HPSE: variants seen among roughly 807,000 people sequenced by gnomAD.
HPSE encodes heparanase.
HPSE carries 48 observed loss-of-function variants against 65.1 expected under a neutral mutation model. The ratio of observed to expected loss-of-function variants is 0.74; its 90% CI spans 0.58 to 0.94. The LOEUF (loss-of-function observed/expected upper bound fraction) is 0.94, where lower values mean the gene tolerates loss of function less well. HPSE is among the 40% of genes least tolerant of loss of function. The pLI, the probability that HPSE is intolerant of heterozygous loss-of-function variation, is 0.00. For missense variants in HPSE, 644 were observed against 637.5 expected, an observed-to-expected ratio of 1.01 and a Z score of -0.11; for synonymous variants, 243 against 260.0, an observed-to-expected ratio of 0.93 and a Z score of 0.63.
rs754765210 is a variant in HPSE at position 83,308,828 on chromosome 4, A to G, written c.1091+17T>C. Reference sequence around the variant, plus strand: ...GAGCTGCACTCTGACCCCTAAGGCCAGCGCTGCTTCACTCACATAAAGCCA... The same window carrying G: ...GAGCTGCACTCTGACCCCTAAGGCCGGCGCTGCTTCACTCACATAAAGCCA... On this transcript the variant is annotated intron_variant, in intron 8 of 11. Coordinates refer to ENST00000311412, the MANE Select transcript of HPSE (RefSeq NM_001098540.3). 1 of 1,586,740 alleles carries G rather than the reference A, an allele frequency of 6.3e-7. No homozygotes were observed. Among genetic ancestry groups the G allele is most frequent in the Non-Finnish European group, 8.7e-7 (1 of 1,155,860 alleles).
intron 1 of HPSE, among the ~76,000 whole-genome samples, chr4:83,330,531 T>A (rs1737322238): frequency 6.6e-6 from 1 of 152,262 alleles, no homozygotes; most frequent in South Asian, 2.1e-4. Flanking sequence ...TTTCCAACAC[T>A]GGTTATCAAA....
intron 1 of HPSE, among the ~76,000 whole-genome samples, chr4:83,325,130 G>GGTGTGT (rs70949703): frequency 0.022 from 2,985 of 134,200 alleles, 46 homozygotes; most frequent in East Asian, 0.049. Context: ...TATACAACTT[G>GGTGTGT]GTGTGTGTGT....
At position 83,310,069 on chromosome 4, in the gene HPSE, C is replaced by T; in HGVS notation, c.852G>A (p.Lys284=). The change falls in exon 6 of 12, where the codon AAG becomes AAA. Residue 284 remains lysine (K), a synonymous_variant. Transcript: ENST00000311412. The part of the protein sequence containing the change: ...KTAKMLKSFL[K]AGGEVIDSVT... Reference sequence around the variant, plus strand: ...CTGAATCAATCACTTCTCCACCAGCCTTCAGGAAGCTAGAAAAAAAATTTT... The same window carrying T: ...CTGAATCAATCACTTCTCCACCAGCTTTCAGGAAGCTAGAAAAAAAATTTT... 6.2e-7 allele frequency: 1 copy of T among 1,610,310 alleles called. No individual in the cohort carries two copies. The highest frequency in any genetic ancestry group is 8.5e-7 in the Non-Finnish European group (1 of 1,177,350).
At chr4:83,298,734 G>A (rs539189369) in intron 11 of HPSE, among the ~76,000 whole-genome samples, 2 of 152,208 alleles carry the variant, frequency 1.3e-5, no homozygotes, top group African/African-American at 4.8e-5. Context: ...AGGCTGAGGA[G>A]GAAGGATCAC....
intron 3 of HPSE, among the ~76,000 whole-genome samples, chr4:83,318,149 T>C (rs1168275011): frequency 6.6e-6 from 1 of 152,206 alleles, no homozygotes; most frequent in East Asian, 1.9e-4. Flanking sequence ...TAAAATAATA[T>C]ACTTTAAATA....
At chr4:83,319,292 A>G (rs774540969) in intron 3 of HPSE, 52 bp downstream of exon 3, 1 of 1,594,468 alleles carries the variant, frequency 6.3e-7, no homozygotes, top group Non-Finnish European at 8.6e-7. Flanking sequence ...AGTCCAACCT[A>G]TTCAAATATC....
At chr4:83,301,626 A>T (rs1735952168) in intron 10 of HPSE, among the ~76,000 whole-genome samples, 1 of 152,182 alleles carries the variant, frequency 6.6e-6, no homozygotes, top group Non-Finnish European at 1.5e-5. Context: ...CAGAGTTCCC[A>T]GTCACCAACA....
At chr4:83,297,080 A>C (rs2126181169) in intron 11 of HPSE, among the ~76,000 whole-genome samples, 1 of 152,268 alleles carries the variant, frequency 6.6e-6, no homozygotes, top group African/African-American at 2.4e-5. Context: ...TATGTTTTAG[A>C]TATGTTTAGA....
chr4:83,327,876 C>A (rs537960485), intron 1 of HPSE, among the ~76,000 whole-genome samples: 2 of 152,176 alleles, frequency 1.3e-5, no homozygotes, highest in African/African-American at 4.8e-5. Flanking sequence ...CAGTTTCCAG[C>A]ACAGTACTGC....
intron 2 of HPSE, 72 bp from the exon 3 acceptor site, chr4:83,319,541 A>G (rs1736797724): frequency 6.8e-7 from 1 of 1,465,098 alleles, no homozygotes; most frequent in African/African-American, 1.4e-5. Flanking sequence ...ATATTTATTT[A>G]GTTAGCTATT....
At chr4:83,313,774 A>T (rs969544585) in intron 3 of HPSE, among the ~76,000 whole-genome samples, 2 of 152,254 alleles carry the variant, frequency 1.3e-5, no homozygotes, top group African/African-American at 4.8e-5. Flanking sequence ...ACATTAAAAA[A>T]TTGGCCTAGA....
chr4:83,322,907 G>A (rs746826382), intron 1 of HPSE, among the ~76,000 whole-genome samples: 2 of 150,476 alleles, frequency 1.3e-5, no homozygotes, highest in Non-Finnish European at 3.0e-5. Flanking sequence ...TTCAAGTGAT[G>A]CTTCTGCCAC....
rs1735904794 is a variant in HPSE, at chr4:83,300,587, G to A, written c.1472+373C>T. 1.7e-4 allele frequency among the ~76,000 whole-genome samples: 4 copies of A among 23,540 alleles called. 2 individuals are homozygous for A. The South Asian group carries it at 9.9e-3, about 58-fold the overall frequency. The allele number at this position is 23,540 out of a possible 152,430, so 15.4% of individuals were successfully genotyped here. A position where few individuals can be genotyped will look rare whatever the true frequency, so the allele number is the denominator to read the frequency against. ...TATTACACTTTGGGAGGACGAGGCG[G>A]GCAGATCACGAGGTCAGGAGATCGA... On this transcript the variant is annotated intron_variant, in intron 11 of 11. Transcript: ENST00000311412.
At chr4:83,333,362 A>G (rs1353590824) in intron 1 of HPSE, among the ~76,000 whole-genome samples, 1 of 152,218 alleles carries the variant, frequency 6.6e-6, no homozygotes. Flanking sequence ...CAAGTCACTC[A>G]TCTTTGCCAG....
chr4:83,312,636 C>T (rs1369436538), intron 4 of HPSE, among the ~76,000 whole-genome samples: 15 of 143,670 alleles, frequency 1.0e-4, no homozygotes, highest in Non-Finnish European at 3.0e-5. Context: ...CGAGATGGCG[C>T]CACTGCACTC....
intron 8 of HPSE, 49 bp from the exon 9 acceptor site, chr4:83,306,366 C>T (rs1474795951): frequency 4.3e-6 from 4 of 937,644 alleles, no homozygotes; most frequent in Non-Finnish European, 6.9e-6. Context: ...AACAAAATCG[C>T]TCAATTCTAA....
intron 3 of HPSE, among the ~76,000 whole-genome samples, chr4:83,316,820 A>G (rs1209031972): frequency 6.6e-6 from 1 of 152,192 alleles, no homozygotes; most frequent in Non-Finnish European, 1.5e-5. Flanking sequence ...CGCACCATAC[A>G]AGAGGACCTG....
At chr4:83,330,194 G>T (rs180912135) in intron 1 of HPSE, among the ~76,000 whole-genome samples, 115 of 152,334 alleles carry the variant, frequency 7.5e-4, no homozygotes, top group African/African-American at 2.8e-3. Context: ...CTGGAGAACA[G>T]GAAAAGAACT....
chr4:83,310,924 G>A, intron 4 of HPSE, 34 bp from the exon 5 acceptor site: 1 of 1,534,392 alleles, frequency 6.5e-7, no homozygotes, highest in Non-Finnish European at 8.9e-7. Flanking sequence ...TATATATCGA[G>A]AAATGTTGTA....
Sources: gnomAD v4.1 joint callset for allele counts (sites outside exome capture counted in the v4.1 genomes callset) on GRCh38, gnomAD v4.1.1 for gene constraint, MANE v1.5 for transcripts, NCBI Gene and HGNC (gene_info 2026-07-23, HGNC 2026-07-21) for gene names.